Variants in PTGR1 observed in about 807,000 individuals in gnomAD.
The protein encoded by PTGR1 is 15-oxoprostaglandin 13-reductase.
A neutral mutation model predicts 37.7 loss-of-function variants in PTGR1; 23 were observed. That is an observed-to-expected ratio of 0.61 (90% CI 0.44 to 0.86). PTGR1 has a LOEUF of 0.86. PTGR1 is among the 40% of genes least tolerant of loss of function. The probability of loss-of-function intolerance (pLI) is 0.00; values close to 1 mark genes in which losing one functional copy is unlikely to be tolerated. For synonymous variants in PTGR1, 134 were observed against 140.0 expected (o/e 0.96, Z 0.30); for missense variants, 351 against 394.3 (o/e 0.89, Z 0.93).
chr9:111,558,250 A>G (rs1828181577), downstream of PTGR1, among the ~76,000 whole-genome samples: 1 of 152,224 alleles, frequency 6.6e-6, no homozygotes, highest in Admixed American at 6.5e-5. Flanking sequence ...ATTCAATAGT[A>G]TATAATCTGT....
rs370709728 is a variant in PTGR1, at chr9:111,578,645, T to C, written c.651+151A>G. On this transcript the variant is annotated intron_variant, in intron 7 of 9. Transcript: ENST00000407693. ...AAGGGCTGTAAATACAGATGAAGCT[T>C]TGCTTGCTCACCTGCCCCTCACCTC... 92 of 622,686 alleles carry C rather than the reference T, an allele frequency of 1.5e-4. 1 individual carries two copies. In the African/African-American group the frequency reaches 1.5e-3, roughly 10 times the overall value. 38.6% of individuals were successfully genotyped at this position (622,686 alleles called of 1,614,324 possible).
chr9:111,551,299 G>C (rs540240885), intron 9 of PTGR1, among the ~76,000 whole-genome samples: 1 of 150,998 alleles, frequency 6.6e-6, no homozygotes, highest in African/African-American at 2.4e-5. Flanking sequence ...TTTATAAAAC[G>C]TAGAGTTGAT....
Position 111,570,222 on chromosome 9 carries a change from G to C in PTGR1, c.761-13C>G, listed in dbSNP as rs1165625317. The C allele has an allele frequency of 6.2e-7, 1 of 1,609,018 alleles. No individual in the cohort carries two copies. Among genetic ancestry groups the C allele is most frequent in the Non-Finnish European group, 8.5e-7 (1 of 1,177,864 alleles). ...TCTGGGGGTGGGCCTGTGAAGAGAA[G>C]GGCACATTTGGGTGGCAGGATCCAG... On this transcript the variant is annotated splice_polypyrimidine_tract_variant and intron_variant, in intron 8 of 9. Coordinates refer to ENST00000407693, the MANE Select transcript of PTGR1 (RefSeq NM_001146108.2).
At chr9:111,564,717 C>T (rs940184120) in intron 9 of PTGR1, among the ~76,000 whole-genome samples, 6 of 152,090 alleles carry the variant, frequency 3.9e-5, no homozygotes, top group South Asian at 2.1e-4. Flanking sequence ...AAATAGAGAA[C>T]GAATACTGTT....
chr9:111,598,176 C>G (rs2132451783), intron 1 of PTGR1, among the ~76,000 whole-genome samples: 1 of 152,250 alleles, frequency 6.6e-6, no homozygotes, highest in Non-Finnish European at 1.5e-5. Context: ...AGTTTAAACT[C>G]CACACCAAAC....
chr9:111,594,099 TG>T, intron 3 of PTGR1, 122 bp downstream of exon 3: 1 of 1,048,006 alleles, frequency 9.5e-7, no homozygotes, highest in Non-Finnish European at 1.4e-6. Flanking sequence ...TCACTGATAC[TG>T]GCTGGGAGAA....
chr9:111,586,732 G>C (rs780571536), intron 4 of PTGR1, among the ~76,000 whole-genome samples: 100 of 151,278 alleles, frequency 6.6e-4, no homozygotes, highest in Non-Finnish European at 3.8e-4. Flanking sequence ...AACCTCCTGA[G>C]CACAAAATCC....
rs576973475 is a variant in PTGR1 at position 111,580,615 on chromosome 9, C to T, written c.496-1664G>A. ...TACTAAAAATACAAAATTAGCCAGGCGTGGTGGCACATGCCTGTAATCCTA... is the reference window on the plus strand; with the variant it reads ...TACTAAAAATACAAAATTAGCCAGGTGTGGTGGCACATGCCTGTAATCCTA... On this transcript the variant is annotated intron_variant, in intron 6 of 9. Coordinates refer to ENST00000407693, the MANE Select transcript of PTGR1 (RefSeq NM_001146108.2). 2.0e-5 allele frequency among the ~76,000 whole-genome samples: 3 copies of T among 152,174 alleles called. No homozygotes were observed. In the East Asian group the frequency reaches 5.8e-4, roughly 29 times the overall value.
chr9:111,578,483 T>G (rs1449321112), intron 7 of PTGR1, among the ~76,000 whole-genome samples: 3 of 152,180 alleles, frequency 2.0e-5, no homozygotes, highest in African/African-American at 7.2e-5. Flanking sequence ...ACCTGAGTAG[T>G]GCGATCTCCA....
At chr9:111,553,930 T>C (rs1828043868) in intron 9 of PTGR1, among the ~76,000 whole-genome samples, 1 of 152,184 alleles carries the variant, frequency 6.6e-6, no homozygotes, top group South Asian at 2.1e-4. Flanking sequence ...CTTTCCCATA[T>C]TTTGTAGTCA....
chr9:111,550,490 T>C (rs1020757683), intron 9 of PTGR1, among the ~76,000 whole-genome samples: 1 of 152,204 alleles, frequency 6.6e-6, no homozygotes, highest in Non-Finnish European at 1.5e-5. Flanking sequence ...TAGCTGCTAC[T>C]TCACTGAAGG....
downstream of PTGR1, among the ~76,000 whole-genome samples, chr9:111,560,390 C>G (rs925805607): frequency 6.7e-6 from 1 of 150,074 alleles, no homozygotes; most frequent in African/African-American, 2.5e-5. Context: ...AGGAGAATCG[C>G]GTGAACCCTG....
intron 5 of PTGR1, among the ~76,000 whole-genome samples, chr9:111,585,792 T>C (rs374503800): frequency 2.0e-4 from 31 of 152,348 alleles, no homozygotes; most frequent in East Asian, 9.6e-4. Flanking sequence ...TATTCTGCTA[T>C]GTATATAGAC....
intron 9 of PTGR1, among the ~76,000 whole-genome samples, chr9:111,566,658 A>G (rs1024718504): frequency 2.6e-5 from 4 of 152,150 alleles, no homozygotes; most frequent in Non-Finnish European, 5.9e-5. Context: ...TGGCACATGT[A>G]TGCACCCCTC....
At chr9:111,581,275 C>G (rs1316549218) in intron 6 of PTGR1, among the ~76,000 whole-genome samples, 1 of 151,948 alleles carries the variant, frequency 6.6e-6, no homozygotes, top group African/African-American at 2.4e-5. Context: ...CAAGAATAGT[C>G]CTAAGGGAAA....
chr9:111,588,448 T>G (rs1270067696), intron 4 of PTGR1, among the ~76,000 whole-genome samples: 1 of 152,062 alleles, frequency 6.6e-6, no homozygotes, highest in African/African-American at 2.4e-5. Flanking sequence ...GCCAGGATGG[T>G]CTCCATCTCC....
intron 3 of PTGR1, 31 bp from the exon 4 acceptor site, chr9:111,593,013 A>T (rs771873594): frequency 6.5e-7 from 1 of 1,535,796 alleles, no homozygotes; most frequent in South Asian, 1.2e-5. Context: ...AAAAAAAAAA[A>T]AAAATAGGTA....
chr9:111,563,305 C>T, intron 9 of PTGR1, 74 bp from the exon 10 acceptor site: 1 of 1,368,652 alleles, frequency 7.3e-7, no homozygotes, highest in Non-Finnish European at 9.9e-7. Flanking sequence ...ATCCTAGCAA[C>T]AAATTTATCA....
downstream of PTGR1, among the ~76,000 whole-genome samples, chr9:111,561,559 G>A (rs1458922298): frequency 2.0e-5 from 3 of 152,124 alleles, no homozygotes; most frequent in East Asian, 5.8e-4. Flanking sequence ...ACTATGCCTG[G>A]CCCTTCAGTA....
Sources: allele counts gnomAD v4.1 joint callset (sites outside exome capture counted in the v4.1 genomes callset), GRCh38; gene constraint gnomAD v4.1.1; transcripts MANE v1.5; gene names NCBI Gene and HGNC (gene_info 2026-07-23, HGNC 2026-07-21).